Variants in SLC6A6 observed in about 807,000 individuals in gnomAD.
The protein encoded by SLC6A6 is solute carrier family 6 member 6.
Under a neutral mutation model 68.8 loss-of-function variants are expected in SLC6A6, and 16 were observed. The ratio of observed to expected loss-of-function variants is 0.23; its 90% confidence interval spans 0.16 to 0.35. The LOEUF is 0.35. SLC6A6 is among the 10% of genes least tolerant of loss of function. The pLI is 1.00. For missense variants in SLC6A6, 474 were observed against 802.8 expected (o/e 0.59, Z 4.95); for synonymous variants, 312 against 315.4 (o/e 0.99, Z 0.12).
At chr3:14,418,395 C>T (rs1032677838) in intron 2 of SLC6A6, among the ~76,000 whole-genome samples, 4 of 152,172 alleles carry the variant, frequency 2.6e-5, no homozygotes, top group African/African-American at 9.7e-5. Flanking sequence ...CCTTCCTTTT[C>T]ATCAAGCTCA....
chr3:14,420,709 TC>T (rs1355373254), intron 2 of SLC6A6, among the ~76,000 whole-genome samples: 15 of 152,126 alleles, frequency 9.9e-5, no homozygotes, highest in Non-Finnish European at 1.5e-5. Flanking sequence ...GTTTCAAACT[TC>T]TGGGCTCAAG....
intron 14 of SLC6A6, among the ~76,000 whole-genome samples, chr3:14,482,636 C>G (rs1199051362): frequency 1.3e-5 from 2 of 152,160 alleles, no homozygotes; most frequent in Non-Finnish European, 2.9e-5. Flanking sequence ...GGGCTGGGTC[C>G]TGTTTCCTCC....
chr3:14,403,029 T>C (rs1394366282), intron 1 of SLC6A6, among the ~76,000 whole-genome samples, 182 bp downstream of exon 1: 1 of 151,946 alleles, frequency 6.6e-6, no homozygotes, highest in East Asian at 1.9e-4. Context: ...GGGGCTGTTA[T>C]TGTTTCCCCG....
chr3:14,423,302 G>A (rs1029345677), intron 2 of SLC6A6, among the ~76,000 whole-genome samples: 1 of 152,222 alleles, frequency 6.6e-6, no homozygotes, highest in African/African-American at 2.4e-5. Flanking sequence ...ATGCCTCGGT[G>A]TGATCTCACA....
chr3:14,436,586 C>CTTTTTTTTTTTTTTT (rs1699859935), intron 2 of SLC6A6, among the ~76,000 whole-genome samples: 1 of 67,872 alleles, frequency 1.5e-5, no homozygotes, highest in Non-Finnish European at 2.8e-5. Context: ...TTTTTTGGTG[C>CTTTTTTTTTTTTTTT]TTAATTGTTA....
intron 2 of SLC6A6, among the ~76,000 whole-genome samples, chr3:14,421,518 A>G (rs1699484943): frequency 6.6e-6 from 1 of 152,232 alleles, no homozygotes; most frequent in South Asian, 2.1e-4. Context: ...TCTAACTGTG[A>G]ACGTTAGCTC....
chr3:14,447,872 C>T, intron 5 of SLC6A6, 56 bp downstream of exon 5: 3 of 1,597,504 alleles, frequency 1.9e-6, no homozygotes, highest in Non-Finnish European at 2.6e-6. Context: ...GAGAGGATGG[C>T]CCACTTCCTT....
chr3:14,408,247 C>T (rs756346900), intron 1 of SLC6A6, among the ~76,000 whole-genome samples: 9 of 152,148 alleles, frequency 5.9e-5, no homozygotes, highest in Non-Finnish European at 1.2e-4. Flanking sequence ...ACTGCATAAA[C>T]TAAAAAGTGA....
chr3:14,440,970 G>A (rs934096172), intron 2 of SLC6A6, among the ~76,000 whole-genome samples: 7 of 152,334 alleles, frequency 4.6e-5, no homozygotes, highest in Middle Eastern at 3.4e-3. Context: ...GTGGTGGGAC[G>A]ATGGGGTCCT....
chr3:14,458,119 G>T, intron 6 of SLC6A6, 37 bp downstream of exon 6: 1 of 1,603,734 alleles, frequency 6.2e-7, no homozygotes, highest in Non-Finnish European at 8.5e-7. Flanking sequence ...GCCTCCTGGA[G>T]AGCTGTGCCA....
chr3:14,447,363 C>A (rs1011701485), intron 4 of SLC6A6, among the ~76,000 whole-genome samples: 1 of 152,192 alleles, frequency 6.6e-6, no homozygotes. Context: ...GTTCTATCCC[C>A]CCTGCCCCCT....
At chr3:14,466,217 G>A (rs1281290716) in intron 6 of SLC6A6, among the ~76,000 whole-genome samples, 4 of 149,508 alleles carry the variant, frequency 2.7e-5, no homozygotes, top group South Asian at 4.2e-4. Flanking sequence ...AGCCGAGATC[G>A]TGCCATTGCA....
At position 14,417,979 on chromosome 3, in the gene SLC6A6, CAG is replaced by C. The variant is rs553854466; in HGVS notation, c.-12+1529_-12+1530del. 2.0e-5 allele frequency among the ~76,000 whole-genome samples: 3 copies of C among 152,178 alleles called. No individual in the cohort carries two copies. In the South Asian group the frequency reaches 6.2e-4, roughly 32 times the overall value. ...AGACATTGCCTGCTCTAGGGGCTTT[CAG>C]AGTCTTATTTAATCCTCAGCGTTCA... On this transcript the variant is annotated intron_variant, in intron 2 of 14. Coordinates refer to ENST00000622186, the MANE Select transcript of SLC6A6 (RefSeq NM_003043.6).
intron 2 of SLC6A6, among the ~76,000 whole-genome samples, chr3:14,419,939 G>C (rs569501231): frequency 6.6e-6 from 1 of 152,176 alleles, no homozygotes; most frequent in South Asian, 2.1e-4. Flanking sequence ...GATCTCCCAC[G>C]GGGTGTCTGC....
At chr3:14,451,515 A>AG in intron 5 of SLC6A6, among the ~76,000 whole-genome samples, 1 of 152,244 alleles carries the variant, frequency 6.6e-6, no homozygotes, top group Admixed American at 6.5e-5. Context: ...GCCAGGGAGA[A>AG]GGGTCAAAGC....
chr3:14,408,051 G>GGCA (rs1033410927), intron 1 of SLC6A6, among the ~76,000 whole-genome samples: 1 of 152,046 alleles, frequency 6.6e-6, no homozygotes, highest in African/African-American at 2.4e-5. Context: ...CCAGCTGGGG[G>GGCA]GCAGCTATTA....
rs751980549 is a variant in SLC6A6, at chr3:14,405,557, A to C, written c.-54+2710A>C. ...GGAATTGGGGTTGGCCTGAAATCCC[A>C]GGGCCACCCTGGCAGGTACATGCTG... is the stretch of plus-strand genomic sequence containing the variant. On this transcript the variant is annotated intron_variant, in intron 1 of 14. Transcript: ENST00000622186. Among the ~76,000 whole-genome samples, 202 of 152,246 alleles carry C rather than the reference A, an allele frequency of 1.3e-3. 2 individuals carry two copies. Among genetic ancestry groups the C allele is most frequent in the Non-Finnish European group, 2.3e-3 (155 of 68,046 alleles).
chr3:14,422,793 C>T (rs985465494), intron 2 of SLC6A6, among the ~76,000 whole-genome samples: 6 of 152,208 alleles, frequency 3.9e-5, no homozygotes, highest in Admixed American at 2.6e-4. Flanking sequence ...AAAGGACTCA[C>T]GCCTCCTACC....
chr3:14,479,141 T>C lies in SLC6A6; in HGVS notation c.1507T>C (p.Trp503Arg). ...EDMIGYRPGP[W>R]MKYSWAVITP... The stretch of plus-strand genomic sequence containing the variant: ...CATGATTGGCTATCGGCCCGGGCCC[T>C]GGATGAAGTACAGCTGGGCTGTGAT... Residue 503 changes from tryptophan (W) to arginine (R), a missense_variant, in exon 13 of 15, where the codon TGG (tryptophan) becomes CGG (arginine). By Grantham distance (101) the Trp-to-Arg change is moderately radical. Coordinates refer to ENST00000622186, the MANE Select transcript of SLC6A6 (RefSeq NM_003043.6). 1 of 1,613,488 alleles carries C rather than the reference T, an allele frequency of 6.2e-7. No homozygotes were observed. The highest frequency in any genetic ancestry group is 8.5e-7 in the Non-Finnish European group (1 of 1,179,388).
Sources: allele counts gnomAD v4.1 joint callset (sites outside exome capture counted in the v4.1 genomes callset), GRCh38; gene constraint gnomAD v4.1.1; transcripts MANE v1.5; gene names NCBI Gene and HGNC (gene_info 2026-07-23, HGNC 2026-07-21).